The following ATP8A2 variants were observed in gnomAD, a reference collection of about 807,000 sequenced individuals.
The protein encoded by ATP8A2 is ATPase phospholipid transporting 8A2.
ATP8A2 carries 100 observed loss-of-function variants against 165.6 expected under a neutral mutation model. That is an observed-to-expected ratio of 0.60 (90% CI 0.51 to 0.71). The LOEUF is 0.71. Ranked by LOEUF, ATP8A2 falls within the 30% of genes least tolerant of loss-of-function variation. The pLI is 0.00. For synonymous variants in ATP8A2, 543 were observed against 548.8 expected, an observed-to-expected ratio of 0.99 and a Z score of 0.15; for missense variants, 1,227 against 1,479.5, an observed-to-expected ratio of 0.83 and a Z score of 2.80.
Position 25,750,218 on chromosome 13 carries a change from G to T in ATP8A2, c.2385-18828G>T, listed in dbSNP as rs540316178. Among the ~76,000 whole-genome samples, 1 of 152,294 alleles carries T rather than the reference G, an allele frequency of 6.6e-6. No homozygotes were observed. Among genetic ancestry groups the T allele is most frequent in the East Asian group, 1.9e-4 (1 of 5,172 alleles). On this transcript the variant is annotated intron_variant, in intron 25 of 36. Coordinates refer to ENST00000381655, the MANE Select transcript of ATP8A2 (RefSeq NM_016529.6). The surrounding 1 kb of genome is among the most constrained non-coding windows in gnomAD (Gnocchi z 4.3). The stretch of plus-strand genomic sequence containing the variant: ...TCCAGTTCGTGTGGAAGACAGGCCG[G>T]TGTCCAGAAAGCAGCTCCTGACCCA...
At chr13:25,744,900 G>A (rs2043996070) in intron 25 of ATP8A2, among the ~76,000 whole-genome samples, 1 of 151,740 alleles carries the variant, frequency 6.6e-6, no homozygotes, top group African/African-American at 2.4e-5. Context: ...GGAGTACATA[G>A]GGGAGCACTA....
At chr13:25,504,021 C>A (rs1389101172) in intron 2 of ATP8A2, among the ~76,000 whole-genome samples, 1 of 152,188 alleles carries the variant, frequency 6.6e-6, no homozygotes, top group East Asian at 1.9e-4. Context: ...CCTCGAGCTG[C>A]AAGAGGTGAT....
intron 1 of ATP8A2, among the ~76,000 whole-genome samples, chr13:25,395,184 T>C (rs1256855383): frequency 1.3e-5 from 2 of 152,204 alleles, no homozygotes; most frequent in East Asian, 3.9e-4. Flanking sequence ...CCTAGGATGG[T>C]AGAGGGGCAG....
At chr13:25,954,077 G>C (rs184618428) in intron 33 of ATP8A2, among the ~76,000 whole-genome samples, 1 of 152,116 alleles carries the variant, frequency 6.6e-6, no homozygotes, top group Non-Finnish European at 1.5e-5. Flanking sequence ...ATCCCACCCC[G>C]ACGGAGCCCA....
At position 25,706,605 on chromosome 13, in the gene ATP8A2, G is replaced by T. The variant is rs369852496; in HGVS notation, c.2384+7260G>T. The stretch of plus-strand genomic sequence containing the variant: ...AGTAATTAGAATTGTACCACCAATT[G>T]TGTTTTAGTTGGCCTCCATATTGGT... On this transcript the variant is annotated intron_variant, in intron 25 of 36. Transcript: ENST00000381655. Among the ~76,000 whole-genome samples, 19 of 152,278 alleles carry T rather than the reference G, an allele frequency of 1.2e-4. No homozygotes were observed. In the East Asian group the frequency reaches 3.3e-3, roughly 26 times the overall value.
intron 24 of ATP8A2, 80 bp downstream of exon 24, chr13:25,589,779 G>A (rs1268721002): frequency 1.1e-6 from 1 of 870,796 alleles, no homozygotes; most frequent in East Asian, 2.6e-5. Flanking sequence ...GATAATCAGG[G>A]ATCATGTTTT....
intron 2 of ATP8A2, among the ~76,000 whole-genome samples, chr13:25,479,258 C>T (rs1485684583): frequency 9.9e-5 from 15 of 152,152 alleles, no homozygotes; most frequent in Non-Finnish European, 1.9e-4. Flanking sequence ...CAAGATTCTC[C>T]GTTAAGGATT....
At chr13:25,552,895 A>G (rs545678263) in intron 11 of ATP8A2, among the ~76,000 whole-genome samples, 2 of 152,146 alleles carry the variant, frequency 1.3e-5, no homozygotes, top group South Asian at 2.1e-4. Context: ...CCACGCTTCA[A>G]AACTCTAAAT....
chr13:25,753,310 A>G (rs1465842114), intron 25 of ATP8A2, among the ~76,000 whole-genome samples: 1 of 152,206 alleles, frequency 6.6e-6, no homozygotes. Context: ...AATCCTTTAT[A>G]CAGCCATTTC....
chr13:25,420,815 C>T (rs977434856), intron 1 of ATP8A2, among the ~76,000 whole-genome samples: 3 of 152,192 alleles, frequency 2.0e-5, no homozygotes, highest in Admixed American at 6.5e-5. Flanking sequence ...AACTTGAACA[C>T]AAGAAGCTCA....
chr13:25,607,888 C>T (rs1435662652), intron 24 of ATP8A2, among the ~76,000 whole-genome samples: 2 of 151,994 alleles, frequency 1.3e-5, no homozygotes, highest in African/African-American at 2.4e-5. Context: ...TTTATTTGAC[C>T]AGTGATTTTC....
chr13:25,382,686 G>A (rs1016816535), intron 1 of ATP8A2, among the ~76,000 whole-genome samples: 3 of 151,632 alleles, frequency 2.0e-5, no homozygotes, highest in South Asian at 2.1e-4. Flanking sequence ...GACATATGAC[G>A]TTGAGAATCT....
chr13:25,502,793 G>T (rs1031183700), intron 2 of ATP8A2, among the ~76,000 whole-genome samples: 1 of 152,182 alleles, frequency 6.6e-6, no homozygotes, highest in Admixed American at 6.5e-5. Flanking sequence ...GTCATGGCCT[G>T]TGTGCCATGC....
chr13:25,423,958 G>C (rs1004958805), intron 1 of ATP8A2, among the ~76,000 whole-genome samples: 1 of 152,192 alleles, frequency 6.6e-6, no homozygotes, highest in Admixed American at 6.5e-5. Context: ...AGAGGGATGT[G>C]AGGATGAGGA....
intron 24 of ATP8A2, among the ~76,000 whole-genome samples, chr13:25,603,832 A>G (rs2040450263): frequency 6.6e-6 from 1 of 152,100 alleles, no homozygotes; most frequent in African/African-American, 2.4e-5. Context: ...GGAATAAGGA[A>G]TCTTTTTTGG....
At chr13:25,961,200 G>C (rs1466562761) in intron 33 of ATP8A2, among the ~76,000 whole-genome samples, 3 of 152,198 alleles carry the variant, frequency 2.0e-5, no homozygotes, top group African/African-American at 7.2e-5. Flanking sequence ...GAGAAAAGGA[G>C]CTGATGATGA....
intron 35 of ATP8A2, among the ~76,000 whole-genome samples, chr13:25,995,435 T>G (rs1566336668): frequency 6.6e-6 from 1 of 151,706 alleles, no homozygotes; most frequent in Non-Finnish European, 1.5e-5. Context: ...ATATATAGAT[T>G]AACTGCTATG....
At chr13:25,649,212 C>G (rs894747647) in intron 24 of ATP8A2, among the ~76,000 whole-genome samples, 4 of 152,150 alleles carry the variant, frequency 2.6e-5, no homozygotes, top group Admixed American at 6.5e-5. Flanking sequence ...TGGTAACAGC[C>G]TTGGGCAGGC....
chr13:25,845,358 T>TA (rs1388741461), intron 30 of ATP8A2, among the ~76,000 whole-genome samples: 1 of 152,120 alleles, frequency 6.6e-6, no homozygotes, highest in Non-Finnish European at 1.5e-5. Flanking sequence ...GTCTTGATTT[T>TA]AAAAAAGGAA....
Sources: gnomAD v4.1 joint callset for allele counts (sites outside exome capture counted in the v4.1 genomes callset) on GRCh38, gnomAD v4.1.1 for gene constraint, Gnocchi (gnomAD v3.1) non-coding constraint, MANE v1.5 for transcripts, NCBI Gene and HGNC (gene_info 2026-07-23, HGNC 2026-07-21) for gene names.